NELL2: variants seen among roughly 807,000 people sequenced by gnomAD.
The protein encoded by NELL2 is protein kinase C-binding protein NELL2.
NELL2 carries 41 observed loss-of-function variants against 109.6 expected under a neutral mutation model. That is an observed-to-expected ratio of 0.37 (90% CI 0.29 to 0.49). The LOEUF (loss-of-function observed/expected upper bound fraction) is 0.49, where lower values mean the gene tolerates loss of function less well. Ranked by LOEUF, NELL2 falls within the 20% of genes least tolerant of loss-of-function variation. The pLI is 0.98. For synonymous variants in NELL2, 355 were observed against 344.7 expected, an observed-to-expected ratio of 1.03 and a Z score of -0.33; for missense variants, 900 against 1,008.3, an observed-to-expected ratio of 0.89 and a Z score of 1.45.
intron 3 of NELL2, among the ~76,000 whole-genome samples, chr12:44,783,315 C>T (rs1942034348): frequency 6.6e-6 from 1 of 151,086 alleles, no homozygotes; most frequent in African/African-American, 2.4e-5. Context: ...GCTCCCACCT[C>T]AAGAGCAAAG....
chr12:44,856,353 A>G (rs1944683322), intron 2 of NELL2, among the ~76,000 whole-genome samples: 2 of 152,238 alleles, frequency 1.3e-5, no homozygotes, highest in Non-Finnish European at 1.5e-5. Flanking sequence ...AGCAGAGACA[A>G]ACAATAAACA....
chr12:44,531,054 A>G (rs1446483525), intron 16 of NELL2, among the ~76,000 whole-genome samples: 1 of 152,230 alleles, frequency 6.6e-6, no homozygotes, highest in African/African-American at 2.4e-5. Context: ...TTAATGTAAC[A>G]CAGTCAACAG....
intron 3 of NELL2, among the ~76,000 whole-genome samples, chr12:44,793,543 C>T (rs1242617557): frequency 6.6e-6 from 1 of 152,098 alleles, no homozygotes; most frequent in Admixed American, 6.6e-5. Context: ...TAAACCTAAG[C>T]CACTAAAAGT....
At chr12:44,776,540 T>C (rs923214431) in intron 7 of NELL2, among the ~76,000 whole-genome samples, 1 of 152,198 alleles carries the variant, frequency 6.6e-6, no homozygotes, top group Admixed American at 6.5e-5. Flanking sequence ...TCATACACCA[T>C]ACAACACAAC....
upstream of NELL2, among the ~76,000 whole-genome samples, chr12:44,917,663 C>T (rs1945838496): frequency 6.6e-6 from 1 of 152,126 alleles, no homozygotes; most frequent in Non-Finnish European, 1.5e-5. Context: ...AATTAAGGTC[C>T]CAAATCAGTT....
chr12:44,626,249 G>A (rs1356893790), intron 13 of NELL2, among the ~76,000 whole-genome samples: 2 of 152,056 alleles, frequency 1.3e-5, no homozygotes, highest in African/African-American at 2.4e-5. Context: ...TCTTTGCCAT[G>A]GCCACAGTGT....
intron 15 of NELL2, among the ~76,000 whole-genome samples, chr12:44,602,426 A>G (rs970120610): frequency 1.4e-4 from 22 of 152,230 alleles, no homozygotes; most frequent in African/African-American, 4.8e-4. Flanking sequence ...CTTAATTCCA[A>G]ATTGTCTTTA....
At chr12:44,519,343 A>G (rs923884437) in intron 19 of NELL2, among the ~76,000 whole-genome samples, 6 of 152,224 alleles carry the variant, frequency 3.9e-5, no homozygotes, top group African/African-American at 1.4e-4. Flanking sequence ...CATTGTCACT[A>G]ATCTACAAAC....
intron 1 of NELL2, among the ~76,000 whole-genome samples, chr12:44,899,942 C>T (rs1236678826): frequency 6.6e-6 from 1 of 151,826 alleles, no homozygotes; most frequent in Admixed American, 6.6e-5. Flanking sequence ...GGAAAGCAAA[C>T]AAAAGCAGAG....
At chr12:44,777,704 A>G (rs1941808463) in intron 5 of NELL2, among the ~76,000 whole-genome samples, 1 of 152,208 alleles carries the variant, frequency 6.6e-6, no homozygotes, top group South Asian at 2.1e-4. Context: ...TTTTAAATTA[A>G]CTTTAATTAT....
chr12:44,875,181 A>C lies in NELL2; in HGVS notation c.184+44T>G, dbSNP rs2703059. The C allele has an allele frequency of 5.0e-3, 7,965 of 1,585,538 alleles. 393 individuals are homozygous for C. In the African/African-American group the frequency reaches 0.092, roughly 18 times the overall value. ...GGCAAGAGCAACTCCTGCCGGGGTT[A>C]TCGGAACTGAAATCACAGTGGGGAT... On this transcript the variant is annotated intron_variant, in intron 2 of 19. Transcript: ENST00000429094.
chr12:44,552,321 G>A (rs1943072294), intron 15 of NELL2, among the ~76,000 whole-genome samples: 1 of 152,008 alleles, frequency 6.6e-6, no homozygotes, highest in Non-Finnish European at 1.5e-5. Context: ...CTTGTAACCT[G>A]TCATTTTTAA....
chr12:44,520,808 G>A (rs371517974), intron 18 of NELL2, among the ~76,000 whole-genome samples: 1 of 151,834 alleles, frequency 6.6e-6, no homozygotes, highest in Non-Finnish European at 1.5e-5. Context: ...TGTGTGAATT[G>A]GATCTTTTTA....
intron 3 of NELL2, among the ~76,000 whole-genome samples, chr12:44,794,264 G>A (rs1942538459): frequency 6.6e-6 from 1 of 152,182 alleles, no homozygotes; most frequent in African/African-American, 2.4e-5. Context: ...GCTGACTTAA[G>A]AAAGCACTCA....
intron 15 of NELL2, among the ~76,000 whole-genome samples, 166 bp downstream of exon 15, chr12:44,607,003 C>T (rs12818520): frequency 7.9e-5 from 12 of 152,032 alleles, no homozygotes; most frequent in African/African-American, 1.4e-4. Flanking sequence ...AATCGCCCAG[C>T]GAAATGCATC....
intron 9 of NELL2, among the ~76,000 whole-genome samples, chr12:44,732,474 C>A (rs1939420270): frequency 6.6e-6 from 1 of 151,958 alleles, no homozygotes; most frequent in Non-Finnish European, 1.5e-5. Context: ...GTCTCTTCAA[C>A]AAGCTGTGTT....
At chr12:44,581,278 A>T (rs1944310396) in intron 15 of NELL2, among the ~76,000 whole-genome samples, 1 of 152,178 alleles carries the variant, frequency 6.6e-6, no homozygotes, top group Non-Finnish European at 1.5e-5. Flanking sequence ...CTACATCTTA[A>T]AGATACTTAA....
At chr12:44,573,678 G>A (rs1943958339) in intron 15 of NELL2, among the ~76,000 whole-genome samples, 1 of 152,140 alleles carries the variant, frequency 6.6e-6, no homozygotes, top group African/African-American at 2.4e-5. Context: ...ATATATGGTT[G>A]GAAAGGAAAA....
chr12:44,724,831 A>G (rs1190014886), intron 9 of NELL2, among the ~76,000 whole-genome samples: 1 of 151,570 alleles, frequency 6.6e-6, no homozygotes, highest in African/African-American at 2.4e-5. Context: ...AAAAAAAAAA[A>G]AAGGCTAGAG....
Sources: allele counts gnomAD v4.1 joint callset (sites outside exome capture counted in the v4.1 genomes callset), GRCh38; gene constraint gnomAD v4.1.1; transcripts MANE v1.5; gene names NCBI Gene and HGNC (gene_info 2026-07-23, HGNC 2026-07-21).